Variants in CHCHD3 observed in about 807,000 individuals in gnomAD.
CHCHD3 encodes MICOS complex subunit MIC19.
Under a neutral mutation model 38.2 loss-of-function variants are expected in CHCHD3, and 20 were observed. The ratio of observed to expected loss-of-function variants is 0.52; its 90% CI spans 0.37 to 0.76. The LOEUF (loss-of-function observed/expected upper bound fraction) is 0.76, where lower values mean the gene tolerates loss of function less well. CHCHD3 is among the 30% of genes least tolerant of loss of function. The pLI is 0.00. For missense variants in CHCHD3, 245 were observed against 279.2 expected (o/e 0.88, Z 0.87); for synonymous variants, 82 against 100.0 (o/e 0.82, Z 1.07).
At chr7:132,898,877 G>A (rs895184813) in intron 4 of CHCHD3, among the ~76,000 whole-genome samples, 2 of 152,222 alleles carry the variant, frequency 1.3e-5, no homozygotes, top group African/African-American at 2.4e-5. Flanking sequence ...CCCGGGGCCG[G>A]CAGGGCCGGC....
At chr7:132,884,876 T>C (rs1809164700) in intron 5 of CHCHD3, among the ~76,000 whole-genome samples, 1 of 152,230 alleles carries the variant, frequency 6.6e-6, no homozygotes, top group South Asian at 2.1e-4. Flanking sequence ...GTTTAACTTC[T>C]GCTATTCAGC....
chr7:132,920,225 ATTAC>A (rs1321002159), intron 4 of CHCHD3, among the ~76,000 whole-genome samples: 2 of 152,146 alleles, frequency 1.3e-5, no homozygotes, highest in Non-Finnish European at 2.9e-5. Flanking sequence ...CCATCCATTC[ATTAC>A]TCATTTTCTG....
At chr7:132,802,678 G>A (rs951854045) in intron 6 of CHCHD3, among the ~76,000 whole-genome samples, 1 of 152,154 alleles carries the variant, frequency 6.6e-6, no homozygotes, top group Non-Finnish European at 1.5e-5. Context: ...TAAAAAGGGA[G>A]ATAAAATTTT....
intron 3 of CHCHD3, among the ~76,000 whole-genome samples, chr7:133,013,190 A>AG (rs1405007512): frequency 3.6e-5 from 5 of 139,288 alleles, no homozygotes; most frequent in Non-Finnish European, 6.2e-5. Context: ...CGCCTCAAAA[A>AG]AAAAAAAAAA....
rs547131109 is a variant in CHCHD3, at chr7:132,873,962, T to C, written c.453+11700A>G. On this transcript the variant is annotated intron_variant, in intron 5 of 7. Coordinates refer to ENST00000262570, the MANE Select transcript of CHCHD3 (RefSeq NM_017812.4). ...TGACTGGAGCAAAAGGACCCTCACC[T>C]AAATTTCAGAAAACCTGCAGAATAA... is the stretch of plus-strand genomic sequence containing the variant. 8.5e-5 allele frequency among the ~76,000 whole-genome samples: 13 copies of C among 152,302 alleles called. No homozygotes were observed. The East Asian group carries it at 2.1e-3, about 25-fold the overall frequency.
At chr7:132,832,429 T>C (rs1807674003) in intron 6 of CHCHD3, among the ~76,000 whole-genome samples, 3 of 152,238 alleles carry the variant, frequency 2.0e-5, no homozygotes, top group African/African-American at 7.2e-5. Context: ...ACTGAAGCCA[T>C]GTTAAAAAGT....
At chr7:132,999,364 T>C (rs1195515715) in intron 3 of CHCHD3, among the ~76,000 whole-genome samples, 2 of 152,196 alleles carry the variant, frequency 1.3e-5, no homozygotes, top group Admixed American at 6.5e-5. Flanking sequence ...CAATTAACGA[T>C]ACTGTTAAGC....
intron 4 of CHCHD3, chr7:132,972,499 C>T (rs2058944): frequency 0.25 from 203,037 of 807,004 alleles, 26,156 homozygotes; most frequent in South Asian, 0.32. Context: ...TTTTAGTATC[C>T]CTTTGTATTT....
intron 4 of CHCHD3, among the ~76,000 whole-genome samples, chr7:132,919,601 A>C (rs1810208856): frequency 6.6e-6 from 1 of 152,208 alleles, no homozygotes; most frequent in Non-Finnish European, 1.5e-5. Flanking sequence ...AGACAGGAAA[A>C]GATCTAAGAA....
At chr7:132,901,401 C>G (rs7790698) in intron 4 of CHCHD3, among the ~76,000 whole-genome samples, 1 of 152,004 alleles carries the variant, frequency 6.6e-6, no homozygotes, top group Non-Finnish European at 1.5e-5. Context: ...ACCTCAGTGC[C>G]GGGATGGAGG....
intron 4 of CHCHD3, among the ~76,000 whole-genome samples, chr7:132,953,723 C>T (rs1426422224): frequency 1.3e-4 from 20 of 152,154 alleles, no homozygotes; most frequent in Non-Finnish European, 5.9e-5. Flanking sequence ...ATAACTTCTG[C>T]CTCTCCCACC....
intron 1 of CHCHD3, among the ~76,000 whole-genome samples, chr7:133,076,916 A>G (rs796655507): frequency 1.3e-5 from 2 of 152,216 alleles, no homozygotes; most frequent in African/African-American, 4.8e-5. Flanking sequence ...AAGAACTCAG[A>G]CCCATTTTTT....
rs550196840 is a variant in CHCHD3, at chr7:132,784,985, T to C, written c.*652A>G. The C allele has an allele frequency of 9.8e-5, 15 of 152,790 alleles. No homozygotes were observed. The highest frequency in any genetic ancestry group is 3.4e-4 in the African/African-American group (14 of 41,582). The allele number at this position is 152,790 out of a possible 1,614,324, so 9.5% of individuals were successfully genotyped here. ...TATTGATAAAAATACCTTATCTCAC[T>C]TGTAATCATAAACATTATTCCAGTA... On this transcript the variant is annotated 3_prime_UTR_variant, in exon 8 of 8. Transcript: ENST00000262570.
intron 5 of CHCHD3, among the ~76,000 whole-genome samples, chr7:132,880,588 G>A (rs1809025902): frequency 6.6e-6 from 1 of 152,056 alleles, no homozygotes; most frequent in South Asian, 2.1e-4. Flanking sequence ...TTCATTCACT[G>A]TGCTATTTGT....
chr7:132,796,092 T>C (rs892842033), intron 7 of CHCHD3, among the ~76,000 whole-genome samples: 1 of 152,064 alleles, frequency 6.6e-6, no homozygotes, highest in African/African-American at 2.4e-5. Flanking sequence ...CAGCTCTTAA[T>C]CTGTATCCTC....
At chr7:133,036,973 A>C (rs535766260) in intron 2 of CHCHD3, among the ~76,000 whole-genome samples, 2 of 152,322 alleles carry the variant, frequency 1.3e-5, no homozygotes, top group East Asian at 3.9e-4. Context: ...ATTTTCATAA[A>C]GATTTAGGAT....
rs181666355 is a variant in CHCHD3, at chr7:132,976,809, A to G, written c.252-1523T>C. ...GTTACTATTTTTAAATTGCTACATC[A>G]TCCTGATACTCTGGAATTCTCAGAA... On this transcript the variant is annotated intron_variant, in intron 3 of 7. Transcript: ENST00000262570. Among the ~76,000 whole-genome samples the G allele has an allele frequency of 2.9e-4, 44 of 152,272 alleles. No individual in the cohort carries two copies. The East Asian group carries it at 5.8e-3, about 20-fold the overall frequency.
At chr7:133,070,943 A>C (rs12707080) in intron 1 of CHCHD3, among the ~76,000 whole-genome samples, 147,002 of 152,216 alleles carry the variant, frequency 0.97, 71,209 homozygotes, top group Middle Eastern at 1. Flanking sequence ...GGAGTAAAAG[A>C]TAGGAAGAGA....
intron 4 of CHCHD3, among the ~76,000 whole-genome samples, chr7:132,889,153 CA>C (rs562787931): frequency 6.6e-6 from 1 of 151,854 alleles, no homozygotes; most frequent in East Asian, 1.9e-4. Flanking sequence ...ATTAACAATT[CA>C]AAAAATTTAA....
Sources: gnomAD v4.1 joint callset for allele counts (sites outside exome capture counted in the v4.1 genomes callset) on GRCh38, gnomAD v4.1.1 for gene constraint, MANE v1.5 for transcripts, NCBI Gene and HGNC (gene_info 2026-07-23, HGNC 2026-07-21) for gene names.